The following SLC1A1 variants were observed in gnomAD, a reference collection of about 807,000 sequenced individuals.
SLC1A1 encodes excitatory amino acid transporter 3.
SLC1A1 carries 43 observed loss-of-function variants against 53.3 expected under a neutral mutation model. The observed-to-expected ratio is 0.81, with a 90% CI of 0.63 to 1.04. The LOEUF is 1.04. SLC1A1 is among the 50% of genes least tolerant of loss of function. The pLI is 0.00. For missense variants in SLC1A1, 748 were observed against 664.9 expected, an observed-to-expected ratio of 1.12 and a Z score of -1.37; for synonymous variants, 307 against 243.2, an observed-to-expected ratio of 1.26 and a Z score of -2.44.
At chr9:4,490,935 C>G (rs1299259298) in intron 1 of SLC1A1, among the ~76,000 whole-genome samples, 165 bp downstream of exon 1, 1 of 152,212 alleles carries the variant, frequency 6.6e-6, no homozygotes, top group Non-Finnish European at 1.5e-5. Context: ...CCCCCAAGCG[C>G]TCTAATTACT....
chr9:4,577,683 C>G (rs1361424190), intron 10 of SLC1A1, among the ~76,000 whole-genome samples: 1 of 152,270 alleles, frequency 6.6e-6, no homozygotes, highest in East Asian at 1.9e-4. Flanking sequence ...CCATGTTGGC[C>G]AGGCTGGTCT....
intron 7 of SLC1A1, among the ~76,000 whole-genome samples, chr9:4,573,376 G>C (rs1009302990): frequency 6.6e-6 from 1 of 152,166 alleles, no homozygotes; most frequent in Non-Finnish European, 1.5e-5. Context: ...GCTACCCCCA[G>C]GGATAGGAGA....
chr9:4,516,727 C>T (rs1286048221), intron 1 of SLC1A1, among the ~76,000 whole-genome samples: 1 of 152,172 alleles, frequency 6.6e-6, no homozygotes, highest in East Asian at 1.9e-4. Flanking sequence ...TATTCATTAT[C>T]CTTAAAAACT....
At chr9:4,572,416 T>C (rs1820140868) in intron 7 of SLC1A1, 28 bp downstream of exon 7, 3 of 1,589,326 alleles carry the variant, frequency 1.9e-6, no homozygotes, top group Admixed American at 1.7e-5. Context: ...AATGTCATTT[T>C]GCTTCCCCTG....
chr9:4,541,775 T>C (rs1171400242), intron 1 of SLC1A1, among the ~76,000 whole-genome samples: 1 of 152,216 alleles, frequency 6.6e-6, no homozygotes, highest in Non-Finnish European at 1.5e-5. Flanking sequence ...TTCTTAGTTC[T>C]GGGAGTGGCC....
chr9:4,494,694 G>C (rs1225803543), intron 1 of SLC1A1, among the ~76,000 whole-genome samples: 2 of 151,570 alleles, frequency 1.3e-5, no homozygotes, highest in Non-Finnish European at 2.9e-5. Flanking sequence ...AATTCTGAAG[G>C]AAGGTTTTAT....
At chr9:4,545,131 A>C (rs1817361690) in intron 2 of SLC1A1, among the ~76,000 whole-genome samples, 1 of 150,516 alleles carries the variant, frequency 6.6e-6, no homozygotes, top group South Asian at 2.1e-4. Context: ...GATTATTTAA[A>C]AAGCTTTCAC....
chr9:4,561,004 CAA>C (rs1818885049), intron 2 of SLC1A1, among the ~76,000 whole-genome samples: 1 of 151,942 alleles, frequency 6.6e-6, no homozygotes, highest in Non-Finnish European at 1.5e-5. Flanking sequence ...TCAAAACAAA[CAA>C]ACAAACAAAC....
At chr9:4,559,567 T>C (rs193125011) in intron 2 of SLC1A1, among the ~76,000 whole-genome samples, 3 of 152,066 alleles carry the variant, frequency 2.0e-5, no homozygotes, top group African/African-American at 7.2e-5. Flanking sequence ...GGATAGGCCT[T>C]TTAGTGTGGG....
At position 4,497,943 on chromosome 9, in the gene SLC1A1, G is replaced by A. The variant is rs77945161; in HGVS notation, c.91+7173G>A. Among the ~76,000 whole-genome samples the A allele has an allele frequency of 8.5e-5, 13 of 152,268 alleles. No individual in the cohort carries two copies. In the East Asian group the frequency reaches 1.2e-3, roughly 14 times the overall value. Reference sequence around the variant, plus strand: ...CATCTATTACCACTTATAGGTAGTGGACTATCTGGTATGATCTTTATTGAA... The same window carrying A: ...CATCTATTACCACTTATAGGTAGTGAACTATCTGGTATGATCTTTATTGAA... On this transcript the variant is annotated intron_variant, in intron 1 of 11. Transcript: ENST00000262352.
At chr9:4,538,137 AAAGTT>A (rs1479362256) in intron 1 of SLC1A1, among the ~76,000 whole-genome samples, 1 of 152,178 alleles carries the variant, frequency 6.6e-6, no homozygotes, top group African/African-American at 2.4e-5. Flanking sequence ...TTATTTTGCC[AAAGTT>A]AAGGACTCAC....
chr9:4,534,450 C>A lies in SLC1A1; in HGVS notation c.92-10117C>A, dbSNP rs188495824. 4.7e-3 allele frequency among the ~76,000 whole-genome samples: 711 copies of A among 152,136 alleles called. 2 individuals are homozygous for A. The highest frequency in any genetic ancestry group is 7.6e-3 in the Non-Finnish European group (514 of 67,956). ...TATAAACACCTCTACACAAATAAAC[C>A]AGAAAATCTAGAAGAAATGGATAAA... On this transcript the variant is annotated intron_variant, in intron 1 of 11. Transcript: ENST00000262352.
intron 1 of SLC1A1, among the ~76,000 whole-genome samples, chr9:4,518,157 C>A (rs545293979): frequency 1.4e-5 from 2 of 141,260 alleles, no homozygotes; most frequent in African/African-American, 5.3e-5. Context: ...AATTGCTGAA[C>A]CTGGGAGGCA....
At chr9:4,513,427 C>A (rs1328148395) in intron 1 of SLC1A1, among the ~76,000 whole-genome samples, 2 of 152,142 alleles carry the variant, frequency 1.3e-5, no homozygotes, top group South Asian at 2.1e-4. Flanking sequence ...AGAGGGTATA[C>A]TGATGGCAAA....
intron 1 of SLC1A1, among the ~76,000 whole-genome samples, chr9:4,533,449 G>C (rs1269328547): frequency 6.6e-6 from 1 of 152,018 alleles, no homozygotes; most frequent in Non-Finnish European, 1.5e-5. Flanking sequence ...AACCAACAAA[G>C]ATCAAAAGAG....
At chr9:4,518,371 TTTTTTTTG>T (rs933332609) in intron 1 of SLC1A1, among the ~76,000 whole-genome samples, 2 of 151,890 alleles carry the variant, frequency 1.3e-5, no homozygotes, top group African/African-American at 4.8e-5. Context: ...TGGTTTTGTT[TTTTTTTTG>T]TTTTTGAGAT....
chr9:4,571,709 C>G (rs1403895854), intron 6 of SLC1A1, among the ~76,000 whole-genome samples: 1 of 124,648 alleles, frequency 8.0e-6, no homozygotes, highest in East Asian at 2.5e-4. Context: ...AATAAATAAT[C>G]CTATTGGTCA....
intron 1 of SLC1A1, among the ~76,000 whole-genome samples, chr9:4,541,613 T>G (rs999669521): frequency 2.0e-5 from 3 of 152,318 alleles, no homozygotes; most frequent in Non-Finnish European, 4.4e-5. Flanking sequence ...CCAAACAATG[T>G]AGGTAAGGAA....
chr9:4,537,452 G>A (rs1225434267), intron 1 of SLC1A1, among the ~76,000 whole-genome samples: 1 of 99,418 alleles, frequency 1.0e-5, no homozygotes, highest in African/African-American at 3.8e-5. Flanking sequence ...CCAGCTACTC[G>A]GGAGGCTGAG....
Sources: allele counts gnomAD v4.1 joint callset (sites outside exome capture counted in the v4.1 genomes callset), GRCh38; gene constraint gnomAD v4.1.1; transcripts MANE v1.5; gene names NCBI Gene and HGNC (gene_info 2026-07-23, HGNC 2026-07-21).